EYS: variants seen among roughly 807,000 people sequenced by gnomAD.
EYS encodes protein eyes shut homolog.
A neutral mutation model predicts 282.1 loss-of-function variants in EYS; 250 were observed. The ratio of observed to expected loss-of-function variants is 0.89; its 90% CI spans 0.80 to 0.98. EYS has a LOEUF of 0.98. Among genes scored for constraint, EYS ranks in the 50% least tolerant of loss-of-function variants. EYS has a pLI of 0.00. For synonymous variants in EYS, 1,355 were observed against 1,282.9 expected, an observed-to-expected ratio of 1.06 and a Z score of -1.20; for missense variants, 4,016 against 3,709.0, an observed-to-expected ratio of 1.08 and a Z score of -2.15.
chr6:64,887,114 G>C (rs1767117284), intron 18 of EYS, among the ~76,000 whole-genome samples: 1 of 151,702 alleles, frequency 6.6e-6, no homozygotes, highest in Non-Finnish European at 1.5e-5. Context: ...ATATAGATGA[G>C]GTCATGTCCT....
chr6:64,083,704 T>C (rs1241037287), intron 31 of EYS, among the ~76,000 whole-genome samples: 3 of 152,212 alleles, frequency 2.0e-5, no homozygotes, highest in Non-Finnish European at 4.4e-5. Context: ...TCAGTTAAAT[T>C]CAAATTTCAG....
intron 31 of EYS, among the ~76,000 whole-genome samples, chr6:64,217,834 G>C (rs999798439): frequency 2.6e-5 from 4 of 152,028 alleles, no homozygotes; most frequent in African/African-American, 9.7e-5. Context: ...ATTCTTCAGA[G>C]GAATTTAAGA....
intron 28 of EYS, among the ~76,000 whole-genome samples, chr6:64,425,739 G>A (rs1468598833): frequency 3.3e-5 from 5 of 150,648 alleles, no homozygotes; most frequent in Non-Finnish European, 5.9e-5. Flanking sequence ...GATGTAAGAC[G>A]AAATGTTGAA....
chr6:64,185,070 T>C (rs984139374), intron 31 of EYS, among the ~76,000 whole-genome samples: 4 of 152,032 alleles, frequency 2.6e-5, no homozygotes, highest in Non-Finnish European at 5.9e-5. Context: ...CCATGTGAGG[T>C]CAGTGAGAAG....
intron 35 of EYS, among the ~76,000 whole-genome samples, chr6:63,970,947 G>A (rs1766540777): frequency 6.6e-6 from 1 of 152,200 alleles, no homozygotes; most frequent in Non-Finnish European, 1.5e-5. Context: ...GAGGAAAATA[G>A]TAAGATGCCA....
chr6:65,582,767 G>A (rs1764913689), intron 2 of EYS, among the ~76,000 whole-genome samples: 1 of 152,090 alleles, frequency 6.6e-6, no homozygotes, highest in Non-Finnish European at 1.5e-5. Context: ...GAATACTCCT[G>A]TACAAACATG....
intron 33 of EYS, among the ~76,000 whole-genome samples, chr6:64,048,800 C>T (rs1397952784): frequency 2.6e-5 from 4 of 151,842 alleles, no homozygotes; most frequent in African/African-American, 9.7e-5. Flanking sequence ...AAGAAGGAAC[C>T]ACAGATTTTT....
intron 26 of EYS, among the ~76,000 whole-genome samples, chr6:64,446,513 T>C (rs1020151187): frequency 1.3e-5 from 2 of 152,006 alleles, no homozygotes; most frequent in African/African-American, 4.8e-5. Context: ...AAAACAAATA[T>C]ATATTTTTGA....
intron 40 of EYS, among the ~76,000 whole-genome samples, chr6:63,768,896 A>G (rs1769863527): frequency 6.6e-6 from 1 of 152,172 alleles, no homozygotes; most frequent in Non-Finnish European, 1.5e-5. Context: ...CAGCCATTGA[A>G]AAAATGAAAT....
At chr6:65,287,781 G>A (rs764962639) in intron 12 of EYS, among the ~76,000 whole-genome samples, 2 of 151,094 alleles carry the variant, frequency 1.3e-5, no homozygotes, top group Non-Finnish European at 3.0e-5. Flanking sequence ...CTTTTTATGG[G>A]AAGATGTTTA....
chr6:64,564,194 C>A (rs1449285555), intron 26 of EYS, among the ~76,000 whole-genome samples: 3 of 149,454 alleles, frequency 2.0e-5, no homozygotes, highest in Non-Finnish European at 4.4e-5. Context: ...AATGGCTGTA[C>A]CAATTTACAT....
chr6:64,107,687 C>T (rs1773077986), intron 31 of EYS, among the ~76,000 whole-genome samples: 2 of 152,026 alleles, frequency 1.3e-5, no homozygotes, highest in African/African-American at 4.8e-5. Flanking sequence ...TCAGTATTAA[C>T]CATCACAGTG....
intron 1 of EYS, among the ~76,000 whole-genome samples, chr6:65,644,062 A>G (rs998425363): frequency 6.6e-6 from 1 of 152,274 alleles, no homozygotes; most frequent in African/African-American, 2.4e-5. Context: ...AATGGATCCA[A>G]ACCAAGATGA....
At chr6:64,794,351 AC>A (rs1328131630) in intron 22 of EYS, among the ~76,000 whole-genome samples, 5 of 152,250 alleles carry the variant, frequency 3.3e-5, no homozygotes, top group Non-Finnish European at 1.5e-5. Context: ...GTAATTCCCA[AC>A]GTTGGTGAGG....
chr6:64,144,609 C>A (rs1774448990), intron 31 of EYS, among the ~76,000 whole-genome samples: 1 of 152,114 alleles, frequency 6.6e-6, no homozygotes, highest in African/African-American at 2.4e-5. Context: ...GTGTGCTACC[C>A]CGTCAGCTCT....
intron 13 of EYS, among the ~76,000 whole-genome samples, chr6:65,017,205 A>G (rs1772084067): frequency 6.6e-6 from 1 of 152,210 alleles, no homozygotes; most frequent in Admixed American, 6.5e-5. Context: ...TTTAGAAATA[A>G]TATGCTAATG....
chr6:65,192,293 CTGTGTGTG>C (rs58238401), intron 12 of EYS, among the ~76,000 whole-genome samples: 5 of 142,904 alleles, frequency 3.5e-5, no homozygotes, highest in Non-Finnish European at 6.1e-5. Flanking sequence ...TTTTTCTACT[CTGTGTGTG>C]TGTGTGTGTG....
chr6:64,992,019 C>T (rs920765618), intron 14 of EYS, among the ~76,000 whole-genome samples: 2 of 151,622 alleles, frequency 1.3e-5, no homozygotes, highest in African/African-American at 4.8e-5. Context: ...AATCACAAGG[C>T]GTTATAAATT....
chr6:64,946,838 G>A lies in EYS; in HGVS notation c.2260-924C>T, dbSNP rs989001997. Among the ~76,000 whole-genome samples, 13 of 151,946 alleles carry A rather than the reference G, an allele frequency of 8.6e-5. 1 individual carries two copies. The highest frequency in any genetic ancestry group is 4.1e-4 in the South Asian group (2 of 4,824). Reference sequence around the variant, plus strand: ...TTATTATTTACTTTCGGTTGAAATGGAAATAATTTTGATATAAAGAGTTAA... The same window carrying A: ...TTATTATTTACTTTCGGTTGAAATGAAAATAATTTTGATATAAAGAGTTAA... On this transcript the variant is annotated intron_variant, in intron 14 of 42. Coordinates refer to ENST00000503581, the MANE Select transcript of EYS (RefSeq NM_001142800.2).
Sources: allele counts gnomAD v4.1 joint callset (sites outside exome capture counted in the v4.1 genomes callset), GRCh38; gene constraint gnomAD v4.1.1; transcripts MANE v1.5; gene names NCBI Gene and HGNC (gene_info 2026-07-23, HGNC 2026-07-21).